NRG3: variants seen among roughly 807,000 people sequenced by gnomAD.
NRG3 encodes the protein pro-neuregulin-3, membrane-bound isoform.
A neutral mutation model predicts 66.9 loss-of-function variants in NRG3; 31 were observed. That is an observed-to-expected ratio of 0.46 (90% CI 0.35 to 0.63). NRG3 has a LOEUF of 0.63. NRG3 is among the 20% of genes least tolerant of loss of function. NRG3 has a pLI of 0.00. For missense variants in NRG3, 910 were observed against 878.9 expected, an observed-to-expected ratio of 1.04 and a Z score of -0.45; for synonymous variants, 393 against 359.4, an observed-to-expected ratio of 1.09 and a Z score of -1.06.
chr10:82,692,006 C>A (rs970570124), intron 2 of NRG3, among the ~76,000 whole-genome samples: 1 of 152,076 alleles, frequency 6.6e-6, no homozygotes, highest in Non-Finnish European at 1.5e-5. Flanking sequence ...AATTGGCAGG[C>A]GCAGTGCCTG....
intron 2 of NRG3, among the ~76,000 whole-genome samples, chr10:82,392,015 A>C (rs1403022510): frequency 2.0e-5 from 3 of 151,360 alleles, no homozygotes; most frequent in East Asian, 1.9e-4. Flanking sequence ...AAAAAACAAA[A>C]AAAAAACCCA....
chr10:82,341,584 T>A (rs538884217), intron 1 of NRG3, among the ~76,000 whole-genome samples: 1 of 152,246 alleles, frequency 6.6e-6, no homozygotes, highest in South Asian at 2.1e-4. Flanking sequence ...CAGATTTATT[T>A]ATTTTATATG....
At chr10:82,826,391 A>G (rs2062208434) in intron 3 of NRG3, among the ~76,000 whole-genome samples, 1 of 152,244 alleles carries the variant, frequency 6.6e-6, no homozygotes, top group African/African-American at 2.4e-5. Flanking sequence ...CTGTTAATTT[A>G]AAAGATGCGT....
chr10:82,843,844 A>T (rs2063179763), intron 3 of NRG3, among the ~76,000 whole-genome samples: 1 of 152,186 alleles, frequency 6.6e-6, no homozygotes, highest in Admixed American at 6.5e-5. Context: ...ATAAAATGAG[A>T]CATTAAGTAA....
At chr10:82,183,748 A>G (rs557466299) in intron 1 of NRG3, among the ~76,000 whole-genome samples, 46 of 152,170 alleles carry the variant, frequency 3.0e-4, no homozygotes, top group Admixed American at 9.8e-4. Flanking sequence ...GCATCCAGGG[A>G]TGCAACTAAA....
At chr10:81,962,691 G>A (rs909698145) in intron 1 of NRG3, among the ~76,000 whole-genome samples, 7 of 152,144 alleles carry the variant, frequency 4.6e-5, no homozygotes, top group Admixed American at 6.5e-5. Flanking sequence ...CTTGGCTAGC[G>A]GAGTAGTCTC....
intron 1 of NRG3, among the ~76,000 whole-genome samples, chr10:82,269,663 G>A (rs1051448729): frequency 6.6e-6 from 1 of 152,136 alleles, no homozygotes; most frequent in Non-Finnish European, 1.5e-5. Context: ...TGAACCAGCT[G>A]TAAACTATGT....
At chr10:82,534,025 A>G (rs1320309881) in intron 2 of NRG3, among the ~76,000 whole-genome samples, 2 of 152,262 alleles carry the variant, frequency 1.3e-5, no homozygotes, top group Non-Finnish European at 2.9e-5. Context: ...ACCATTTACA[A>G]TAGCACAAAA....
chr10:82,532,198 A>C (rs185784452), intron 2 of NRG3, among the ~76,000 whole-genome samples: 1 of 151,642 alleles, frequency 6.6e-6, no homozygotes, highest in Non-Finnish European at 1.5e-5. Context: ...TTGTTAACTA[A>C]TGTTGCCCTA....
intron 1 of NRG3, among the ~76,000 whole-genome samples, chr10:82,247,739 T>C (rs1406967926): frequency 6.6e-6 from 1 of 152,226 alleles, no homozygotes; most frequent in Non-Finnish European, 1.5e-5. Context: ...AGAGTCTGAA[T>C]GTACCCCTCT....
At chr10:82,349,650 G>T (rs951489139) in intron 1 of NRG3, among the ~76,000 whole-genome samples, 5 of 151,826 alleles carry the variant, frequency 3.3e-5, no homozygotes, top group East Asian at 3.9e-4. Flanking sequence ...AATGGCGGGC[G>T]CCCCTCCCCC....
intron 2 of NRG3, among the ~76,000 whole-genome samples, chr10:82,642,049 A>G (rs1225060930): frequency 3.9e-5 from 6 of 152,110 alleles, no homozygotes; most frequent in Non-Finnish European, 8.8e-5. Flanking sequence ...CCCACTAAAT[A>G]TCTATGTCCA....
At chr10:81,932,669 A>G (rs1847485827) in intron 1 of NRG3, among the ~76,000 whole-genome samples, 1 of 152,198 alleles carries the variant, frequency 6.6e-6, no homozygotes, top group South Asian at 2.1e-4. Flanking sequence ...AAACAGTACA[A>G]GAAAGGATTA....
At chr10:82,598,080 A>G (rs1484947023) in intron 2 of NRG3, among the ~76,000 whole-genome samples, 1 of 152,204 alleles carries the variant, frequency 6.6e-6, no homozygotes, top group Non-Finnish European at 1.5e-5. Context: ...GGTCTGAGTC[A>G]TTGTGATTAG....
chr10:82,637,094 T>C (rs536767273), intron 2 of NRG3, among the ~76,000 whole-genome samples: 1 of 152,306 alleles, frequency 6.6e-6, no homozygotes, highest in African/African-American at 2.4e-5. Flanking sequence ...TAGATAACTA[T>C]GTGAGACGAT....
intron 1 of NRG3, among the ~76,000 whole-genome samples, chr10:81,908,202 A>G (rs1208076273): frequency 6.6e-6 from 1 of 152,212 alleles, no homozygotes; most frequent in Non-Finnish European, 1.5e-5. Context: ...TCTTAGCAGT[A>G]GAAACATTTT....
chr10:82,856,756 C>CAAAAAAAAAAAAAAAAA (rs67224862), intron 3 of NRG3, among the ~76,000 whole-genome samples: 37 of 107,462 alleles, frequency 3.4e-4, no homozygotes, highest in African/African-American at 3.6e-4. Flanking sequence ...AAAAAAAAAA[C>CAAAAAAAAAAAAAAAAA]AAAAAAAAAA....
intron 1 of NRG3, among the ~76,000 whole-genome samples, chr10:81,974,336 A>G (rs768590774): frequency 6.6e-6 from 1 of 152,106 alleles, no homozygotes; most frequent in South Asian, 2.1e-4. Context: ...AAAAAGACAT[A>G]TTACATACAG....
intron 1 of NRG3, among the ~76,000 whole-genome samples, chr10:82,315,563 A>G (rs1414828416): frequency 6.6e-6 from 1 of 152,044 alleles, no homozygotes; most frequent in Non-Finnish European, 1.5e-5. Context: ...TCTTTGAAGG[A>G]TGACATTACT....
Sources: gnomAD v4.1 joint callset for allele counts (sites outside exome capture counted in the v4.1 genomes callset) on GRCh38, gnomAD v4.1.1 for gene constraint, MANE v1.5 for transcripts, NCBI Gene and HGNC (gene_info 2026-07-23, HGNC 2026-07-21) for gene names.